DLC1: variants seen among roughly 807,000 people sequenced by gnomAD.
The protein encoded by DLC1 is rho GTPase-activating protein 7.
DLC1 carries 54 observed loss-of-function variants against 140.3 expected under a neutral mutation model. The observed-to-expected ratio is 0.38, with a 90% CI of 0.31 to 0.48. The LOEUF (loss-of-function observed/expected upper bound fraction) is 0.48, where lower values mean the gene tolerates loss of function less well. DLC1 is among the 20% of genes least tolerant of loss of function. DLC1 has a pLI of 0.96. For missense variants in DLC1, 2,536 were observed against 1,907.0 expected, an observed-to-expected ratio of 1.33 and a Z score of -6.14; for synonymous variants, 986 against 728.1, an observed-to-expected ratio of 1.35 and a Z score of -5.70.
chr8:13,136,314 A>C (rs772554025), intron 5 of DLC1, among the ~76,000 whole-genome samples: 2 of 150,978 alleles, frequency 1.3e-5, no homozygotes, highest in East Asian at 2.0e-4. Flanking sequence ...CAGTTTTTCA[A>C]CTCCTTCTCC....
At chr8:13,354,844 G>A (rs1310233616) in intron 4 of DLC1, among the ~76,000 whole-genome samples, 4 of 151,458 alleles carry the variant, frequency 2.6e-5, no homozygotes, top group Non-Finnish European at 4.4e-5. Context: ...AGCTGTTGGG[G>A]AAGCTGAGAT....
chr8:13,579,389 A>ATATTATATATTTAATATATTATATTT, intron 1 of DLC1, among the ~76,000 whole-genome samples: 5 of 22,968 alleles, frequency 2.2e-4, no homozygotes, highest in African/African-American at 5.8e-4. Context: ...TTTATATATT[A>ATATTATATATTTAATATATTATATTT]TATATTATAT....
chr8:13,416,580 C>T (rs1838071400), intron 2 of DLC1, among the ~76,000 whole-genome samples: 1 of 152,120 alleles, frequency 6.6e-6, no homozygotes, highest in Non-Finnish European at 1.5e-5. Context: ...TGAAATGTTT[C>T]ATTTCAGAAT....
chr8:13,421,849 C>G (rs375582393), intron 2 of DLC1, among the ~76,000 whole-genome samples: 9 of 152,132 alleles, frequency 5.9e-5, no homozygotes, highest in African/African-American at 1.9e-4. Context: ...CCTAGGGAAT[C>G]TCTCTGGCAC....
chr8:13,345,668 C>A (rs1200975573), intron 4 of DLC1, among the ~76,000 whole-genome samples: 1 of 147,186 alleles, frequency 6.8e-6, no homozygotes, highest in African/African-American at 2.5e-5. Context: ...AGCGGTCCTC[C>A]TGCCTCAGCC....
rs905289820 is a variant in DLC1, at chr8:13,479,500, A to G, written c.1023+19549T>C. Among the ~76,000 whole-genome samples the G allele has an allele frequency of 2.6e-5, 4 of 152,316 alleles. No individual in the cohort carries two copies. The East Asian group carries it at 7.7e-4, about 29-fold the overall frequency. ...CAACACTCATAAAATATTGGAAGGA[A>G]TATTTCTGAAGCTGATAAAAGTTAT... On this transcript the variant is annotated intron_variant, in intron 2 of 17. Transcript: ENST00000276297.
chr8:13,600,239 C>G lies in DLC1; in HGVS notation c.-126+4298G>C, dbSNP rs144242328. 5.1e-3 allele frequency among the ~76,000 whole-genome samples: 768 copies of G among 151,928 alleles called. 7 individuals are homozygous for G. Among genetic ancestry groups the G allele is most frequent in the African/African-American group, 0.017 (691 of 41,490 alleles). ...GAGACATACCTGTTTCTCAGATAGT[C>G]TTTTATTTAACTTATAAATTATCCC... is the stretch of plus-strand genomic sequence containing the variant. On this transcript the variant is annotated intron_variant, in intron 1 of 1. Coordinates refer to the DLC1 transcript ENST00000631382.
chr8:13,465,060 G>C (rs1006842424), intron 2 of DLC1, among the ~76,000 whole-genome samples: 1 of 151,990 alleles, frequency 6.6e-6, no homozygotes, highest in African/African-American at 2.4e-5. Flanking sequence ...CAAAATTCTA[G>C]TGTTGTAGGT....
chr8:13,445,023 A>T (rs552920216), intron 2 of DLC1, among the ~76,000 whole-genome samples: 2 of 152,024 alleles, frequency 1.3e-5, no homozygotes, highest in Non-Finnish European at 2.9e-5. Flanking sequence ...GGTAGGAGAG[A>T]CAGAGATTGA....
intron 1 of DLC1, among the ~76,000 whole-genome samples, chr8:13,572,781 G>T (rs966234356): frequency 3.3e-5 from 5 of 152,082 alleles, no homozygotes; most frequent in Non-Finnish European, 7.4e-5. Flanking sequence ...TGAAAAATCA[G>T]TTGGTCATAG....
At chr8:13,487,399 T>A (rs1039365125) in intron 2 of DLC1, among the ~76,000 whole-genome samples, 1 of 152,138 alleles carries the variant, frequency 6.6e-6, no homozygotes, top group Non-Finnish European at 1.5e-5. Flanking sequence ...TAAATTGACA[T>A]TCAGTCTCAA....
chr8:13,118,766 G>A (rs995048234), intron 5 of DLC1, among the ~76,000 whole-genome samples: 4 of 151,802 alleles, frequency 2.6e-5, no homozygotes, highest in South Asian at 2.1e-4. Context: ...TTCATTCCCC[G>A]ATTCACACCA....
chr8:13,302,167 C>T lies in DLC1; in HGVS notation c.1348+3102G>A, dbSNP rs73663533. On this transcript the variant is annotated intron_variant, in intron 5 of 17. Coordinates refer to ENST00000276297, the MANE Select transcript of DLC1 (RefSeq NM_182643.3). ...ACAGTACTTTGATTTGATTCCTTGCCTGGGAAGCTTTTTGAATAAGCAGAG... is the reference window on the plus strand; with the variant it reads ...ACAGTACTTTGATTTGATTCCTTGCTTGGGAAGCTTTTTGAATAAGCAGAG... 4.5e-3 allele frequency among the ~76,000 whole-genome samples: 688 copies of T among 152,286 alleles called. 3 individuals are homozygous for T. Among genetic ancestry groups the T allele is most frequent in the African/African-American group, 0.015 (639 of 41,562 alleles).
intron 5 of DLC1, among the ~76,000 whole-genome samples, chr8:13,181,692 T>A (rs1444089516): frequency 6.8e-6 from 1 of 148,050 alleles, no homozygotes; most frequent in African/African-American, 2.6e-5. Context: ...CTGCGTAGTA[T>A]TCCATGGTAT....
At chr8:13,218,372 A>G (rs1828313926) in intron 5 of DLC1, among the ~76,000 whole-genome samples, 1 of 152,202 alleles carries the variant, frequency 6.6e-6, no homozygotes, top group South Asian at 2.1e-4. Context: ...TGAACAACAA[A>G]AGAAGGATAA....
intron 2 of DLC1, among the ~76,000 whole-genome samples, chr8:13,480,469 T>A (rs1481693): frequency 3.9e-5 from 6 of 152,160 alleles, no homozygotes; most frequent in Non-Finnish European, 5.9e-5. Flanking sequence ...TCTTCTTCCT[T>A]TGGGTCCAAT....
rs1801656834 is a variant in DLC1 at position 13,499,243 on chromosome 8, A to T, written c.829T>A (p.Cys277Ser). ...GGGCAGGAAGGAGGCTGCAGAAGGC[A>T]GCTTCCAAAATCTGTTTTTAATAAT... ...LPLLKTDFGS[C>S]LLQPPSCPNG... Residue 277 changes from cysteine (C) to serine (S), a missense_variant, in exon 2 of 18, where the codon TGC (cysteine) becomes AGC (serine). Cys to Ser is a moderately radical substitution (Grantham distance 112). Coordinates refer to ENST00000276297, the MANE Select transcript of DLC1 (RefSeq NM_182643.3). The T allele has an allele frequency of 6.2e-7, 1 of 1,614,102 alleles. No homozygotes were observed. Among genetic ancestry groups the T allele is most frequent in the Non-Finnish European group, 8.5e-7 (1 of 1,180,036 alleles).
chr8:13,304,675 T>C (rs963924374), intron 5 of DLC1: 1 of 950,128 alleles, frequency 1.1e-6, no homozygotes, highest in Non-Finnish European at 1.3e-6. Flanking sequence ...GATAGTATGA[T>C]TTTTTAAAAA....
intron 5 of DLC1, chr8:13,276,720 G>T: frequency 1.7e-6 from 1 of 574,754 alleles, no homozygotes. Flanking sequence ...GCTGCTCCTG[G>T]GTCACATAGC....
Sources: allele counts gnomAD v4.1 joint callset (sites outside exome capture counted in the v4.1 genomes callset), GRCh38; gene constraint gnomAD v4.1.1; transcripts MANE v1.5; gene names NCBI Gene and HGNC (gene_info 2026-07-23, HGNC 2026-07-21).